Variants in WDR27 observed in about 807,000 individuals in gnomAD.
WDR27 encodes the protein WD repeat-containing protein 27.
WDR27 carries 100 observed loss-of-function variants against 114.4 expected under a neutral mutation model. The ratio of observed to expected loss-of-function variants is 0.87; its 90% CI spans 0.74 to 1.03. WDR27 has a LOEUF of 1.03. WDR27 is among the 50% of genes least tolerant of loss of function. The probability of loss-of-function intolerance (pLI) is 0.00; values close to 1 mark genes in which losing one functional copy is unlikely to be tolerated. For synonymous variants in WDR27, 449 were observed against 423.1 expected (o/e 1.06, Z -0.75); for missense variants, 1,129 against 1,092.9 (o/e 1.03, Z -0.47).
rs114859722 is a variant in WDR27, at chr6:169,498,984, C to T, written c.2646-41350G>A. ...CTGCAAACATGCACCCACACGAGTA[C>T]GAGTCAAAAGGAAAATGTGAACAAG... On this transcript the variant is annotated intron_variant, in intron 25 of 25. Coordinates refer to ENST00000448612, the MANE Select transcript of WDR27 (RefSeq NM_182552.5). 6.2e-3 allele frequency among the ~76,000 whole-genome samples: 938 copies of T among 152,230 alleles called. 7 individuals are homozygous for T. The highest frequency in any genetic ancestry group is 0.021 in the African/African-American group (889 of 41,520).
intron 25 of WDR27, among the ~76,000 whole-genome samples, chr6:169,467,913 AT>A (rs890270315): frequency 1.3e-5 from 2 of 152,224 alleles, no homozygotes; most frequent in Non-Finnish European, 2.9e-5. Flanking sequence ...GTAAGTTCCA[AT>A]TCCAAACCAT....
chr6:169,462,434 CAAGG>C lies in WDR27; in HGVS notation c.2646-4804_2646-4801del, dbSNP rs201468579. ...CCTGGGCAACAGAGAGAGACTGTCT[CAAGG>C]AAGGAAGGAAGGAGACAGAGAGAGG... is the stretch of plus-strand genomic sequence containing the variant. On this transcript the variant is annotated intron_variant, in intron 25 of 25. Coordinates refer to ENST00000448612, the MANE Select transcript of WDR27 (RefSeq NM_182552.5). Among the ~76,000 whole-genome samples the C allele has an allele frequency of 5.9e-3, 880 of 148,146 alleles. 10 individuals are homozygous for C. Among genetic ancestry groups the C allele is most frequent in the African/African-American group, 0.02 (785 of 39,040 alleles).
intron 25 of WDR27, among the ~76,000 whole-genome samples, chr6:169,461,791 A>C (rs1182183805): frequency 6.6e-6 from 1 of 151,952 alleles, no homozygotes; most frequent in Non-Finnish European, 1.5e-5. Context: ...AAAATGGAGA[A>C]AAGAAAAACA....
chr6:169,654,490 C>T (rs998506664), intron 13 of WDR27, among the ~76,000 whole-genome samples: 10 of 152,178 alleles, frequency 6.6e-5, no homozygotes, highest in Admixed American at 1.3e-4. Flanking sequence ...TCATGTTTAA[C>T]CAGGAAAACG....
At chr6:169,577,001 G>A (rs555807767) in intron 24 of WDR27, among the ~76,000 whole-genome samples, 3 of 151,576 alleles carry the variant, frequency 2.0e-5, no homozygotes, top group Non-Finnish European at 4.4e-5. Context: ...GAATCATACA[G>A]CGATTATGTA....
rs1189047940 is a variant in WDR27, at chr6:169,602,248, A to G, written c.2395T>C (p.Phe799Leu). ...CTGTCCTCGGCCCCACAAGCCGCGA[A>G]TCGTCCACAAGGACTGAAAGCGATT... Reference protein sequence around the residue: ...CGIAFSPCGRFAACGAEDRHA... With the variant: ...CGIAFSPCGRLAACGAEDRHA... Residue 799 changes from phenylalanine (F) to leucine (L), a missense_variant, in exon 23 of 26, where the codon TTC becomes CTC. Coordinates refer to ENST00000448612, the MANE Select transcript of WDR27 (RefSeq NM_182552.5). 1 of 1,562,898 alleles carries G rather than the reference A, an allele frequency of 6.4e-7. No homozygotes were observed. Among genetic ancestry groups the G allele is most frequent in the Non-Finnish European group, 8.7e-7 (1 of 1,152,322 alleles).
chr6:169,589,944 T>TA (rs1805385892), intron 23 of WDR27, among the ~76,000 whole-genome samples: 1 of 5,788 alleles, frequency 1.7e-4, no homozygotes, highest in Non-Finnish European at 4.6e-4. Context: ...GGGTAAATCT[T>TA]ATGCCAGAAC....
intron 12 of WDR27, 28 bp from the exon 13 acceptor site, chr6:169,658,386 TA>T: frequency 6.4e-7 from 1 of 1,557,588 alleles, no homozygotes; most frequent in Non-Finnish European, 8.7e-7. Flanking sequence ...CCCATGAAAC[TA>T]GGAGCGCAAA....
intron 22 of WDR27, among the ~76,000 whole-genome samples, chr6:169,604,793 T>C (rs1299363280): frequency 1.3e-5 from 2 of 152,002 alleles, no homozygotes; most frequent in African/African-American, 4.8e-5. Flanking sequence ...TGGTTCAACA[T>C]ACAATAATCA....
At chr6:169,603,535 G>A (rs1584511971) in intron 22 of WDR27, among the ~76,000 whole-genome samples, 1 of 152,168 alleles carries the variant, frequency 6.6e-6, no homozygotes, top group African/African-American at 2.4e-5. Context: ...AAAGGTCTTT[G>A]TTTTCCTTTA....
the WDR27 span, among the ~76,000 whole-genome samples, chr6:169,441,151 G>T: frequency 6.6e-6 from 1 of 152,030 alleles, no homozygotes; most frequent in Non-Finnish European, 1.5e-5. Context: ...AGGCAAACCT[G>T]CCCTAAGAAA....
intron 25 of WDR27, among the ~76,000 whole-genome samples, chr6:169,517,301 C>T (rs1487136178): frequency 1.3e-5 from 2 of 152,182 alleles, no homozygotes; most frequent in African/African-American, 4.8e-5. Flanking sequence ...CACCATGCTT[C>T]CTGTAAAGCC....
At chr6:169,472,246 C>G (rs1286876415) in intron 25 of WDR27, among the ~76,000 whole-genome samples, 1 of 152,058 alleles carries the variant, frequency 6.6e-6, no homozygotes, top group Non-Finnish European at 1.5e-5. Context: ...CAGGCAATGC[C>G]CTGAGTCTGC....
intron 21 of WDR27, among the ~76,000 whole-genome samples, chr6:169,626,120 G>A (rs531498731): frequency 2.6e-5 from 4 of 152,306 alleles, no homozygotes; most frequent in African/African-American, 7.2e-5. Context: ...AAAATAACCC[G>A]AATGGGGTTC....
rs1394568090 is a variant in WDR27, at chr6:169,670,609, G to A, written c.416C>T (p.Ala139Val). Residue 139 changes from alanine to valine, a missense_variant, in exon 4 of 26, where the codon GCC becomes GTC. Transcript: ENST00000448612. ...LQLSLDDHVV[A>V]VCAGNKIFML... ...GAATATTTTGTTTCCAGCACACACG[G>A]CAACAACATGATCATCCAGGCTCAA... The A allele has an allele frequency of 2.5e-6, 4 of 1,613,760 alleles. No homozygotes were observed. The highest frequency in any genetic ancestry group is 2.2e-5 in the East Asian group (1 of 44,868).
chr6:169,470,123 T>C (rs1786155255), intron 25 of WDR27, among the ~76,000 whole-genome samples: 2 of 152,254 alleles, frequency 1.3e-5, no homozygotes, highest in Non-Finnish European at 2.9e-5. Flanking sequence ...TTTGTTCCTT[T>C]ATAACACAGA....
At chr6:169,505,201 A>G (rs1308205546) in intron 25 of WDR27, among the ~76,000 whole-genome samples, 1 of 152,178 alleles carries the variant, frequency 6.6e-6, no homozygotes, top group East Asian at 1.9e-4. Context: ...AGTTATTGTA[A>G]ATATTCTTAA....
chr6:169,700,690 G>T (rs1272020580), intron 1 of WDR27, among the ~76,000 whole-genome samples: 1 of 152,208 alleles, frequency 6.6e-6, no homozygotes, highest in Non-Finnish European at 1.5e-5. Flanking sequence ...CAAGAAACAT[G>T]CAACTGTTCT....
chr6:169,622,816 C>G (rs1813695910), intron 21 of WDR27, among the ~76,000 whole-genome samples: 1 of 152,214 alleles, frequency 6.6e-6, no homozygotes, highest in Non-Finnish European at 1.5e-5. Context: ...CTAACCAGCT[C>G]TATCTTGCTT....
Sources: gnomAD v4.1 joint callset for allele counts (sites outside exome capture counted in the v4.1 genomes callset) on GRCh38, gnomAD v4.1.1 for gene constraint, MANE v1.5 for transcripts, NCBI Gene and HGNC (gene_info 2026-07-23, HGNC 2026-07-21) for gene names.